Variants in PSTPIP1 observed in about 807,000 individuals in gnomAD.
PSTPIP1 encodes the protein proline-serine-threonine phosphatase-interacting protein 1.
PSTPIP1 carries 66 observed loss-of-function variants against 69.6 expected under a neutral mutation model. The ratio of observed to expected loss-of-function variants is 0.95; its 90% CI spans 0.78 to 1.16. The LOEUF is 1.16. PSTPIP1 is among the 50% of genes most tolerant of loss of function. The probability of loss-of-function intolerance (pLI) is 0.00; values close to 1 mark genes in which losing one functional copy is unlikely to be tolerated. For synonymous variants in PSTPIP1, 266 were observed against 222.7 expected (o/e 1.19, Z -1.73); for missense variants, 603 against 557.4 (o/e 1.08, Z -0.82).
chr15:77,005,810 A>G (rs536302980), intron 1 of PSTPIP1, among the ~76,000 whole-genome samples: 55 of 152,342 alleles, frequency 3.6e-4, no homozygotes, highest in African/African-American at 1.3e-3. Context: ...GTCATAGCAT[A>G]TGTCAGAATT....
At position 76,995,400 on chromosome 15, in the gene PSTPIP1, C is replaced by T. The variant is rs1568476601; in HGVS notation, c.-174C>T. ...AAAACAGGTTGAGCTTTTTCCTCCC[C>T]TCAGAAGCTCCTCTCTGGCTCGTGG... is the stretch of plus-strand genomic sequence containing the variant. On this transcript the variant is annotated 5_prime_UTR_variant, in exon 1 of 15. Transcript: ENST00000558012. 1.4e-6 allele frequency: 2 copies of T among 1,460,276 alleles called. No homozygotes were observed. The highest frequency in any genetic ancestry group is 1.4e-5 in the African/African-American group (1 of 70,400). 90.5% of individuals were successfully genotyped at this position (1,460,276 alleles called of 1,614,324 possible).
At chr15:77,031,118 C>T in intron 9 of PSTPIP1, 62 bp from the exon 10 acceptor site, 1 of 1,494,688 alleles carries the variant, frequency 6.7e-7, no homozygotes, top group Non-Finnish European at 9.3e-7. Context: ...GTGAATGGGG[C>T]CCAGCCTGGC....
intron 1 of PSTPIP1, chr15:77,008,131 T>A (rs2075856824): frequency 4.4e-6 from 2 of 451,398 alleles, no homozygotes; most frequent in Non-Finnish European, 8.9e-6. Flanking sequence ...TCCCTGGAGC[T>A]GCAGTGAATA....
rs147120980 is a variant in PSTPIP1 at position 76,995,457 on chromosome 15, C to T, written c.-117C>T. On this transcript the variant is annotated 5_prime_UTR_variant, in exon 1 of 15. Transcript: ENST00000558012. The stretch of plus-strand genomic sequence containing the variant: ...TCTGAGTGTTGCAGACGGCGCCGGC[C>T]GGGAAGGGGGGCCTGGGCCAGCCCT... 6.1e-5 allele frequency: 96 copies of T among 1,571,642 alleles called. No homozygotes were observed. In the East Asian group the frequency reaches 1.7e-3, roughly 28 times the overall value.
chr15:77,028,090 G>A (rs148152818), intron 6 of PSTPIP1, among the ~76,000 whole-genome samples, 176 bp downstream of exon 6: 2 of 152,180 alleles, frequency 1.3e-5, no homozygotes, highest in Non-Finnish European at 2.9e-5. Context: ...CGTGCTGGGC[G>A]CTATGGCCCC....
intron 6 of PSTPIP1, chr15:77,028,274 G>T (rs1285600673): frequency 4.0e-6 from 2 of 500,384 alleles, no homozygotes; most frequent in Admixed American, 3.6e-5. Flanking sequence ...GGGGCGTGGC[G>T]AGGGGCGTGC....
intron 3 of PSTPIP1, among the ~76,000 whole-genome samples, chr15:77,019,478 C>A (rs985485228): frequency 6.6e-6 from 1 of 152,100 alleles, no homozygotes; most frequent in African/African-American, 2.4e-5. Context: ...GGCACCCTGG[C>A]GGCTCCTGCT....
chr15:77,008,495 C>T (rs553397057), intron 1 of PSTPIP1, among the ~76,000 whole-genome samples: 5 of 152,262 alleles, frequency 3.3e-5, no homozygotes, highest in South Asian at 2.1e-4. Flanking sequence ...CTGCAACCTC[C>T]GTCTCCTGGG....
intron 1 of PSTPIP1, 36 bp downstream of exon 1, chr15:76,995,645 AG>A (rs2075561204): frequency 6.2e-7 from 1 of 1,612,410 alleles, no homozygotes; most frequent in Admixed American, 1.7e-5. Flanking sequence ...GAACAAGTGG[AG>A]GGGGCAGAGC....
chr15:77,032,816 T>A (rs2076453465), intron 11 of PSTPIP1, 46 bp from the exon 12 acceptor site: 1 of 1,492,154 alleles, frequency 6.7e-7, no homozygotes, highest in African/African-American at 1.4e-5. Context: ...AGGGCCAGAA[T>A]GGGGTGTTGG....
At chr15:77,015,689 G>A (rs1353383274) in intron 1 of PSTPIP1, 2 of 340,068 alleles carry the variant, frequency 5.9e-6, no homozygotes, top group Non-Finnish European at 1.2e-5. Context: ...CCAGCTCAGA[G>A]CACGGAGTCA....
intron 1 of PSTPIP1, among the ~76,000 whole-genome samples, chr15:77,013,606 C>G (rs1255153057): frequency 6.6e-6 from 1 of 152,186 alleles, no homozygotes; most frequent in Admixed American, 6.5e-5. Flanking sequence ...CAACCTCTCC[C>G]GTTGCACCCA....
intron 1 of PSTPIP1, among the ~76,000 whole-genome samples, chr15:77,011,857 C>A (rs2075941095): frequency 6.6e-6 from 1 of 152,142 alleles, no homozygotes; most frequent in African/African-American, 2.4e-5. Context: ...TACAGCCATT[C>A]AGGCTCCTGG....
At chr15:77,028,776 G>A (rs1568514533) in intron 7 of PSTPIP1, 124 bp downstream of exon 7, 1 of 854,200 alleles carries the variant, frequency 1.2e-6, no homozygotes, top group Non-Finnish European at 1.7e-6. Context: ...AGCCCTCTCT[G>A]ACCCCCAATC....
intron 1 of PSTPIP1, among the ~76,000 whole-genome samples, chr15:77,006,948 T>C (rs1299527749): frequency 7.2e-5 from 11 of 152,316 alleles, no homozygotes; most frequent in Non-Finnish European, 5.9e-5. Flanking sequence ...GAGCTGCTTT[T>C]GTTGTTCCCT....
chr15:77,026,709 C>T (rs2076288021), intron 5 of PSTPIP1, among the ~76,000 whole-genome samples: 1 of 152,220 alleles, frequency 6.6e-6, no homozygotes, highest in Admixed American at 6.5e-5. Context: ...TTTCAGGATT[C>T]TAAATGTGGG....
At chr15:76,997,517 C>T (rs1471446164) in intron 1 of PSTPIP1, among the ~76,000 whole-genome samples, 1 of 152,214 alleles carries the variant, frequency 6.6e-6, no homozygotes, top group Non-Finnish European at 1.5e-5. Context: ...TCATTCAATC[C>T]TTCAAACACA....
chr15:77,036,894 T>C, intron 14 of PSTPIP1, 151 bp from the exon 15 acceptor site: 1 of 1,010,270 alleles, frequency 9.9e-7, no homozygotes, highest in Non-Finnish European at 1.4e-6. Flanking sequence ...GTCCGTTGGG[T>C]TACCCCCATC....
intron 1 of PSTPIP1, chr15:77,015,996 G>A (rs949147127): frequency 1.1e-5 from 5 of 456,168 alleles, no homozygotes; most frequent in East Asian, 6.9e-5. Context: ...AATGGCCAGC[G>A]TAGGTTCGGT....
Sources: gnomAD v4.1 joint callset for allele counts (sites outside exome capture counted in the v4.1 genomes callset) on GRCh38, gnomAD v4.1.1 for gene constraint, MANE v1.5 for transcripts, NCBI Gene and HGNC (gene_info 2026-07-23, HGNC 2026-07-21) for gene names.